Variants in PDE4D observed in about 807,000 individuals in gnomAD.
The protein encoded by PDE4D is 3',5'-cyclic-AMP phosphodiesterase 4D.
A neutral mutation model predicts 87.4 loss-of-function variants in PDE4D; 24 were observed. The observed-to-expected ratio is 0.27, with a 90% CI of 0.20 to 0.39. The LOEUF (loss-of-function observed/expected upper bound fraction) is 0.39, where lower values mean the gene tolerates loss of function less well. Ranked by LOEUF, PDE4D falls within the 10% of genes least tolerant of loss-of-function variation. The probability of loss-of-function intolerance (pLI) is 1.00; values close to 1 mark genes in which losing one functional copy is unlikely to be tolerated. For synonymous variants in PDE4D, 384 were observed against 383.2 expected, an observed-to-expected ratio of 1.00 and a Z score of -0.02; for missense variants, 714 against 1,041.0, an observed-to-expected ratio of 0.69 and a Z score of 4.32.
At chr5:60,180,505 A>G (rs1453198303) in intron 2 of PDE4D, among the ~76,000 whole-genome samples, 2 of 152,192 alleles carry the variant, frequency 1.3e-5, no homozygotes, top group East Asian at 3.8e-4. Context: ...AAAATGGGAT[A>G]CAGTTAGGTG....
chr5:60,310,169 T>A lies in PDE4D; in HGVS notation c.-89-124482A>T, dbSNP rs115547292. Among the ~76,000 whole-genome samples the A allele has an allele frequency of 5.2e-3, 797 of 152,246 alleles. 7 individuals are homozygous for A. The highest frequency in any genetic ancestry group is 0.018 in the African/African-American group (751 of 41,512). On this transcript the variant is annotated intron_variant, in intron 1 of 16. Transcript: ENST00000502484. ...TTTCCTTCTTCAAATTCTCTTTTTTTAAAAATGCAAAGTCCCCAATCTTGG... is the reference window on the plus strand; with the variant it reads ...TTTCCTTCTTCAAATTCTCTTTTTTAAAAAATGCAAAGTCCCCAATCTTGG...
At chr5:60,259,459 G>A (rs183642041) in intron 1 of PDE4D, among the ~76,000 whole-genome samples, 2 of 152,114 alleles carry the variant, frequency 1.3e-5, no homozygotes, top group East Asian at 3.9e-4. Context: ...AAAGAAAGAA[G>A]CCAGTAAGAA....
intron 1 of PDE4D, among the ~76,000 whole-genome samples, chr5:59,311,499 C>CAAAAAA (rs35020719): frequency 4.2e-4 from 18 of 43,348 alleles, no homozygotes; most frequent in African/African-American, 1.5e-3. Flanking sequence ...GACTCTGTCT[C>CAAAAAA]AAAAAAAAAA....
intron 2 of PDE4D, among the ~76,000 whole-genome samples, chr5:60,154,412 G>C (rs1408569386): frequency 6.6e-6 from 1 of 151,998 alleles, no homozygotes; most frequent in African/African-American, 2.4e-5. Flanking sequence ...GAGTAGCTGG[G>C]ATTACAGGTG....
Position 59,988,302 on chromosome 5 carries a change from A to T in PDE4D, c.272+186T>A, listed in dbSNP as rs1158241559. 1.0e-5 allele frequency: 5 copies of T among 480,564 alleles called. No homozygotes were observed. The East Asian group carries it at 1.5e-4, about 15-fold the overall frequency. 29.8% of individuals were successfully genotyped at this position (480,564 alleles called of 1,614,324 possible). On this transcript the variant is annotated intron_variant, in intron 3 of 16. Transcript: ENST00000502484. The stretch of plus-strand genomic sequence containing the variant: ...CAGCTCTTCCATGTAAAACAATTTC[A>T]CTAAAATGTCTTCTCCTGCAGATAT...
intron 1 of PDE4D, among the ~76,000 whole-genome samples, chr5:59,312,924 A>G (rs566126791): frequency 6.6e-6 from 1 of 152,190 alleles, no homozygotes; most frequent in South Asian, 2.1e-4. Flanking sequence ...TGGAGAAGGA[A>G]TTTTCCAAAT....
intron 1 of PDE4D, among the ~76,000 whole-genome samples, chr5:60,346,098 A>C (rs1197258320): frequency 6.6e-6 from 1 of 152,186 alleles, no homozygotes; most frequent in Non-Finnish European, 1.5e-5. Context: ...GTTTGTAAAA[A>C]TCTTTAAAAA....
At chr5:59,167,461 CT>C (rs1435177338) in intron 5 of PDE4D, among the ~76,000 whole-genome samples, 1 of 152,168 alleles carries the variant, frequency 6.6e-6, no homozygotes, top group East Asian at 1.9e-4. Flanking sequence ...CAGTTCTTTT[CT>C]ATTTTCCTTT....
intron 2 of PDE4D, among the ~76,000 whole-genome samples, chr5:60,039,313 T>C (rs1183349250): frequency 1.3e-5 from 2 of 152,018 alleles, no homozygotes; most frequent in Non-Finnish European, 2.9e-5. Context: ...GAAATCATCA[T>C]TCTCAGTAAA....
chr5:60,389,163 A>G (rs1762404343), intron 1 of PDE4D, among the ~76,000 whole-genome samples: 1 of 152,192 alleles, frequency 6.6e-6, no homozygotes, highest in Non-Finnish European at 1.5e-5. Context: ...CTAACAATAG[A>G]AAGTCCAGTG....
At chr5:59,570,180 A>T (rs1430596252) in intron 1 of PDE4D, among the ~76,000 whole-genome samples, 1 of 146,888 alleles carries the variant, frequency 6.8e-6, no homozygotes, top group East Asian at 1.9e-4. Flanking sequence ...CTTATTCTTT[A>T]AAAAAAACCC....
chr5:59,327,484 A>C (rs576047008), intron 1 of PDE4D, among the ~76,000 whole-genome samples: 1 of 152,266 alleles, frequency 6.6e-6, no homozygotes, highest in Admixed American at 6.5e-5. Context: ...ACAAAGCATG[A>C]GAGCACTCAG....
At chr5:60,478,693 A>G (rs1748506461) in intron 1 of PDE4D, among the ~76,000 whole-genome samples, 1 of 152,156 alleles carries the variant, frequency 6.6e-6, no homozygotes, top group African/African-American at 2.4e-5. Context: ...GCTCTGCACT[A>G]AAGCATAAAC....
intron 1 of PDE4D, among the ~76,000 whole-genome samples, chr5:59,769,982 A>T (rs1043099774): frequency 3.9e-5 from 6 of 152,216 alleles, no homozygotes; most frequent in African/African-American, 1.4e-4. Flanking sequence ...ATGTTTACAG[A>T]AAAGTGTACT....
chr5:60,167,083 A>C (rs1782975355), intron 2 of PDE4D, among the ~76,000 whole-genome samples: 1 of 151,882 alleles, frequency 6.6e-6, no homozygotes, highest in Non-Finnish European at 1.5e-5. Flanking sequence ...CTGAATACTT[A>C]TTTCTTTCTC....
At chr5:60,320,183 G>A (rs934197402) in intron 1 of PDE4D, among the ~76,000 whole-genome samples, 10 of 152,328 alleles carry the variant, frequency 6.6e-5, no homozygotes, top group South Asian at 2.1e-4. Flanking sequence ...GGGCAATGGC[G>A]GGAGCCCCTC....
At chr5:59,608,990 TC>T (rs1252976789) in intron 1 of PDE4D, among the ~76,000 whole-genome samples, 1 of 152,110 alleles carries the variant, frequency 6.6e-6, no homozygotes, top group African/African-American at 2.4e-5. Context: ...GTTGAGGCTT[TC>T]CAACAACTAT....
At chr5:59,820,103 G>A (rs1769459401) in intron 1 of PDE4D, among the ~76,000 whole-genome samples, 1 of 152,130 alleles carries the variant, frequency 6.6e-6, no homozygotes, top group Non-Finnish European at 1.5e-5. Flanking sequence ...AGATGCTATG[G>A]GTGGGGGCTT....
Position 59,148,756 on chromosome 5 carries a change from T to G in PDE4D, c.808+31839A>C, listed in dbSNP as rs202115579. Among the ~76,000 whole-genome samples the G allele has an allele frequency of 1.8e-4, 19 of 107,618 alleles. No individual in the cohort carries two copies. In the East Asian group the frequency reaches 2.5e-3, roughly 14 times the overall value. The allele number at this position is 107,618 out of a possible 152,430, so 70.6% of individuals were successfully genotyped here. On this transcript the variant is annotated intron_variant, in intron 5 of 14. Coordinates refer to ENST00000340635, the MANE Select transcript of PDE4D (RefSeq NM_001104631.2). ...TTTTCCAAAATAAAATATATAGCGG[T>G]GTGTGTGTGTGTGTGTGTGTGTGTG...
Sources: allele counts gnomAD v4.1 joint callset (sites outside exome capture counted in the v4.1 genomes callset), GRCh38; gene constraint gnomAD v4.1.1; transcripts MANE v1.5; gene names NCBI Gene and HGNC (gene_info 2026-07-23, HGNC 2026-07-21).